Variants in KCNH7 observed in about 807,000 individuals in gnomAD.
KCNH7 encodes the protein voltage-gated inwardly rectifying potassium channel KCNH7.
In KCNH7, 49 loss-of-function variants were observed where a neutral mutation model predicts 120.8. That is an observed-to-expected ratio of 0.41 (90% CI 0.32 to 0.51). The LOEUF is 0.51. KCNH7 is among the 20% of genes least tolerant of loss of function. KCNH7 has a pLI of 0.38. For synonymous variants in KCNH7, 547 were observed against 516.1 expected (o/e 1.06, Z -0.81); for missense variants, 1,097 against 1,446.6 (o/e 0.76, Z 3.92).
chr2:162,766,384 T>C (rs1298613327), intron 2 of KCNH7, among the ~76,000 whole-genome samples: 2 of 152,156 alleles, frequency 1.3e-5, no homozygotes, highest in East Asian at 1.9e-4. Flanking sequence ...AAGACCTAGT[T>C]ATCAGTGAAA....
At chr2:162,774,341 A>T (rs1683161320) in intron 2 of KCNH7, among the ~76,000 whole-genome samples, 1 of 152,184 alleles carries the variant, frequency 6.6e-6, no homozygotes. Flanking sequence ...ATGGGTCAGA[A>T]GTGGAGAGAT....
intron 2 of KCNH7, among the ~76,000 whole-genome samples, chr2:162,816,765 T>C (rs1373033081): frequency 2.0e-5 from 3 of 152,182 alleles, no homozygotes; most frequent in Non-Finnish European, 4.4e-5. Flanking sequence ...CAATGGCTTA[T>C]CAGTATGAGT....
At chr2:162,374,707 T>A (rs1422665274) in intron 14 of KCNH7, among the ~76,000 whole-genome samples, 1 of 152,008 alleles carries the variant, frequency 6.6e-6, no homozygotes, top group Non-Finnish European at 1.5e-5. Flanking sequence ...CATGAGAAAA[T>A]ATCTTCTTTT....
chr2:162,423,508 T>A lies in KCNH7; in HGVS notation c.1982A>T (p.Asn661Ile). Residue 661 changes from asparagine (N) to isoleucine (I), a missense_variant, in exon 9 of 16, where the codon AAT (asparagine) becomes ATT (isoleucine). By Grantham distance (149) the Asn-to-Ile change is moderately radical. Transcript: ENST00000332142. ...TAGTCTTTGGATAATTGCAGATACA[T>A]TCCCAAAAATGCTTGCATACATTAG... is the stretch of plus-strand genomic sequence containing the variant. ...GSLMYASIFGNVSAIIQRLYS... is the reference protein window; with the variant it reads ...GSLMYASIFGIVSAIIQRLYS... 6.2e-7 allele frequency: 1 copy of A among 1,613,898 alleles called. No homozygotes were observed.
At chr2:162,399,816 G>A (rs1391834400) in intron 10 of KCNH7, among the ~76,000 whole-genome samples, 1 of 151,808 alleles carries the variant, frequency 6.6e-6, no homozygotes, top group Non-Finnish European at 1.5e-5. Flanking sequence ...ATGCTAGCAA[G>A]TATTTCCTAC....
rs78322224 is a variant in KCNH7, at chr2:162,715,631, C to T, written c.307+120906G>A. Among the ~76,000 whole-genome samples the T allele has an allele frequency of 6.3e-3, 952 of 152,222 alleles. 16 individuals are homozygous for T. The highest frequency in any genetic ancestry group is 0.022 in the African/African-American group (898 of 41,530). On this transcript the variant is annotated intron_variant, in intron 2 of 15. Coordinates refer to ENST00000332142, the MANE Select transcript of KCNH7 (RefSeq NM_033272.4). ...CATGTTATTTGCTGGGCCAATGGTA[C>T]GTCAGCAATTGTGACAGAAGCAGTG...
intron 2 of KCNH7, among the ~76,000 whole-genome samples, chr2:162,547,085 G>A (rs1056053711): frequency 6.6e-6 from 1 of 152,138 alleles, no homozygotes; most frequent in Non-Finnish European, 1.5e-5. Flanking sequence ...GGTGGAAGGG[G>A]AAGCAGGCAC....
At chr2:162,572,145 C>G (rs1240106146) in intron 2 of KCNH7, among the ~76,000 whole-genome samples, 1 of 152,052 alleles carries the variant, frequency 6.6e-6, no homozygotes, top group Non-Finnish European at 1.5e-5. Flanking sequence ...GCAACCTACT[C>G]ATCTGACAAA....
intron 2 of KCNH7, among the ~76,000 whole-genome samples, chr2:162,555,420 T>C (rs1023576346): frequency 6.6e-6 from 1 of 152,206 alleles, no homozygotes; most frequent in Admixed American, 6.5e-5. Context: ...TGACATTTTA[T>C]TTCATCCTTT....
intron 2 of KCNH7, among the ~76,000 whole-genome samples, chr2:162,713,461 T>C (rs572249050): frequency 6.6e-6 from 1 of 152,260 alleles, no homozygotes; most frequent in African/African-American, 2.4e-5. Context: ...AAAATGAGGC[T>C]TATGTTTACA....
chr2:162,745,179 G>A (rs1028895896), intron 2 of KCNH7, among the ~76,000 whole-genome samples: 5 of 152,152 alleles, frequency 3.3e-5, no homozygotes, highest in Admixed American at 1.3e-4. Context: ...TAGCCCATTA[G>A]AGACCAGAGA....
chr2:162,438,805 T>C (rs939133477), intron 7 of KCNH7, among the ~76,000 whole-genome samples: 1 of 152,188 alleles, frequency 6.6e-6, no homozygotes, highest in East Asian at 1.9e-4. Context: ...CTTAGGATTG[T>C]AATAACTCTT....
At chr2:162,752,339 G>T (rs1157574869) in intron 2 of KCNH7, among the ~76,000 whole-genome samples, 2 of 152,224 alleles carry the variant, frequency 1.3e-5, no homozygotes, top group African/African-American at 4.8e-5. Flanking sequence ...CTACAATGTT[G>T]TAGATATCCC....
chr2:162,746,133 C>T (rs1469601731), intron 2 of KCNH7, among the ~76,000 whole-genome samples: 1 of 151,920 alleles, frequency 6.6e-6, no homozygotes, highest in Non-Finnish European at 1.5e-5. Context: ...TTTCCTTTAA[C>T]CTCCCTTTCT....
intron 2 of KCNH7, among the ~76,000 whole-genome samples, chr2:162,629,048 A>G (rs1683663951): frequency 6.6e-6 from 1 of 152,040 alleles, no homozygotes; most frequent in African/African-American, 2.4e-5. Flanking sequence ...CCACACCATC[A>G]CCACATACAC....
Position 162,760,489 on chromosome 2 carries a change from C to A in KCNH7, c.307+76048G>T, listed in dbSNP as rs536840940. 2.0e-5 allele frequency among the ~76,000 whole-genome samples: 3 copies of A among 152,072 alleles called. No individual in the cohort carries two copies. In the South Asian group the frequency reaches 6.2e-4, roughly 32 times the overall value. ...GGGACCCATGCAATAATTCTGCGTC[C>A]CCTTAATGTCTATGCCTTGTAGGTT... On this transcript the variant is annotated intron_variant, in intron 2 of 15. Coordinates refer to ENST00000332142, the MANE Select transcript of KCNH7 (RefSeq NM_033272.4).
chr2:162,771,201 G>A (rs114232145), intron 2 of KCNH7, among the ~76,000 whole-genome samples: 4 of 152,088 alleles, frequency 2.6e-5, no homozygotes, highest in African/African-American at 4.8e-5. Context: ...TATGGTTTCC[G>A]GCTTCTAAAT....
chr2:162,553,857 T>A (rs1417808572), intron 2 of KCNH7, among the ~76,000 whole-genome samples: 1 of 152,164 alleles, frequency 6.6e-6, no homozygotes. Flanking sequence ...GGTCAACAGG[T>A]CAAACATTCT....
intron 5 of KCNH7, among the ~76,000 whole-genome samples, chr2:162,509,002 T>G (rs1421932061): frequency 6.6e-6 from 1 of 151,410 alleles, no homozygotes; most frequent in East Asian, 2.0e-4. Flanking sequence ...CCAGGTTACA[T>G]TTTTCAATAT....
Sources: allele counts gnomAD v4.1 joint callset (sites outside exome capture counted in the v4.1 genomes callset), GRCh38; gene constraint gnomAD v4.1.1; transcripts MANE v1.5; gene names NCBI Gene and HGNC (gene_info 2026-07-23, HGNC 2026-07-21).